Variants in PRKG1 observed in about 807,000 individuals in gnomAD.
PRKG1 encodes protein kinase cGMP-dependent 1.
PRKG1 carries 35 observed loss-of-function variants against 88.1 expected under a neutral mutation model. That is an observed-to-expected ratio of 0.40 (90% CI 0.30 to 0.53). The LOEUF is 0.53. Among genes scored for constraint, PRKG1 ranks in the 20% least tolerant of loss-of-function variants. The pLI, the probability that PRKG1 is intolerant of heterozygous loss-of-function variation, is 0.59. For missense variants in PRKG1, 540 were observed against 839.8 expected, an observed-to-expected ratio of 0.64 and a Z score of 4.41; for synonymous variants, 303 against 292.5, an observed-to-expected ratio of 1.04 and a Z score of -0.37.
intron 3 of PRKG1, among the ~76,000 whole-genome samples, chr10:51,522,839 C>T (rs1047922322): frequency 3.3e-5 from 5 of 151,982 alleles, no homozygotes; most frequent in African/African-American, 1.2e-4. Context: ...TACATTCTTA[C>T]TCATATTATT....
intron 7 of PRKG1, among the ~76,000 whole-genome samples, chr10:52,082,742 C>G (rs898956907): frequency 6.6e-6 from 1 of 152,072 alleles, no homozygotes; most frequent in African/African-American, 2.4e-5. Context: ...ATCCAAAACA[C>G]TTGACCATTT....
At chr10:52,035,643 G>A (rs1426659026) in intron 5 of PRKG1, among the ~76,000 whole-genome samples, 5 of 152,234 alleles carry the variant, frequency 3.3e-5, no homozygotes, top group East Asian at 3.9e-4. Context: ...GTGGGAGGCC[G>A]GATTGAAGTC....
At chr10:51,432,830 T>A (rs750377721) in intron 2 of PRKG1, among the ~76,000 whole-genome samples, 1 of 152,208 alleles carries the variant, frequency 6.6e-6, no homozygotes, top group Non-Finnish European at 1.5e-5. Flanking sequence ...CTCCACTGGA[T>A]GTTTTAACTA....
chr10:51,744,689 G>GGCT (rs1488810558), intron 3 of PRKG1, among the ~76,000 whole-genome samples: 5 of 152,176 alleles, frequency 3.3e-5, no homozygotes. Context: ...GAGCTTTTAA[G>GGCT]GCTGCTGCTT....
At chr10:52,027,369 A>G (rs905773494) in intron 5 of PRKG1, among the ~76,000 whole-genome samples, 7 of 152,138 alleles carry the variant, frequency 4.6e-5, no homozygotes, top group African/African-American at 1.7e-4. Flanking sequence ...ATTAATTGGC[A>G]CGGATCTTAT....
At chr10:51,565,509 C>T (rs561665008) in intron 3 of PRKG1, among the ~76,000 whole-genome samples, 3 of 152,110 alleles carry the variant, frequency 2.0e-5, no homozygotes, top group East Asian at 3.9e-4. Context: ...CTGTTCATGC[C>T]GTGAGCTATA....
At chr10:51,196,794 C>A (rs1201349195) in intron 2 of PRKG1, among the ~76,000 whole-genome samples, 1 of 152,092 alleles carries the variant, frequency 6.6e-6, no homozygotes, top group Admixed American at 6.5e-5. Context: ...TCTTAAACAG[C>A]TCAGTTCAAG....
At chr10:51,220,007 G>T (rs1216231955) in intron 2 of PRKG1, among the ~76,000 whole-genome samples, 1 of 152,182 alleles carries the variant, frequency 6.6e-6, no homozygotes, top group Non-Finnish European at 1.5e-5. Flanking sequence ...GGCCTTATAA[G>T]CAGAGAACTT....
chr10:52,167,661 C>G (rs1199653674), intron 9 of PRKG1, among the ~76,000 whole-genome samples: 3 of 150,902 alleles, frequency 2.0e-5, no homozygotes, highest in Non-Finnish European at 4.4e-5. Flanking sequence ...ACAAAAACAC[C>G]TTTGAATACA....
intron 2 of PRKG1, among the ~76,000 whole-genome samples, chr10:51,431,419 CT>C (rs1249695184): frequency 1.3e-5 from 2 of 152,184 alleles, no homozygotes; most frequent in Non-Finnish European, 2.9e-5. Context: ...AGGCAAATGA[CT>C]TTGAATTGGC....
intron 5 of PRKG1, among the ~76,000 whole-genome samples, chr10:52,004,906 G>A (rs1202568377): frequency 6.6e-6 from 1 of 151,992 alleles, no homozygotes; most frequent in African/African-American, 2.4e-5. Flanking sequence ...CATCCTAGGT[G>A]ACAGACTGAT....
At chr10:51,476,903 T>G (rs1840210135) in intron 3 of PRKG1, among the ~76,000 whole-genome samples, 1 of 152,040 alleles carries the variant, frequency 6.6e-6, no homozygotes, top group Non-Finnish European at 1.5e-5. Flanking sequence ...AGCTGTATAC[T>G]ATGTACATGC....
intron 2 of PRKG1, among the ~76,000 whole-genome samples, chr10:51,460,199 T>C (rs1276436594): frequency 1.3e-5 from 2 of 152,066 alleles, no homozygotes; most frequent in East Asian, 3.9e-4. Context: ...AGGGGTAAAA[T>C]TGCCCCCAGT....
At chr10:51,422,843 G>T (rs1369198015) in intron 2 of PRKG1, among the ~76,000 whole-genome samples, 2 of 152,140 alleles carry the variant, frequency 1.3e-5, no homozygotes, top group East Asian at 3.9e-4. Context: ...TCAAAACTGG[G>T]CTAGGTTATA....
rs1342487327 is a variant in PRKG1 at position 51,679,617 on chromosome 10, A to AGG, written c.593-124967_593-124966insGG. ...GGAACTAGGTCTTGCCTTATCTCCTAGTACTCCTTTATATTCCCCACATCA... is the reference window on the plus strand; with the variant it reads ...GGAACTAGGTCTTGCCTTATCTCCTAGGGTACTCCTTTATATTCCCCACATCA... On this transcript the variant is annotated intron_variant, in intron 3 of 17. Coordinates refer to ENST00000373980, the MANE Select transcript of PRKG1 (RefSeq NM_006258.4). Among the ~76,000 whole-genome samples the AGG allele has an allele frequency of 4.6e-5, 7 of 151,622 alleles. No homozygotes were observed. In the South Asian group the frequency reaches 1.5e-3, roughly 32 times the overall value.
intron 2 of PRKG1, among the ~76,000 whole-genome samples, chr10:51,224,143 G>A (rs1838624799): frequency 6.6e-6 from 1 of 152,208 alleles, no homozygotes; most frequent in East Asian, 1.9e-4. Flanking sequence ...GTGTAAGCCT[G>A]CCATTGCCTT....
chr10:51,858,107 T>C (rs1589362432), intron 4 of PRKG1, among the ~76,000 whole-genome samples: 1 of 68,602 alleles, frequency 1.5e-5, no homozygotes, highest in Non-Finnish European at 2.5e-5. Context: ...ATACATATTA[T>C]ACATATATAT....
chr10:51,084,973 T>G (rs1246768125), intron 1 of PRKG1, among the ~76,000 whole-genome samples: 1 of 152,246 alleles, frequency 6.6e-6, no homozygotes, highest in Admixed American at 6.5e-5. Flanking sequence ...CTGGATATAC[T>G]GTACATCATC....
chr10:51,464,708 G>T (rs1237106711), intron 2 of PRKG1, among the ~76,000 whole-genome samples: 3 of 151,302 alleles, frequency 2.0e-5, no homozygotes, highest in African/African-American at 4.9e-5. Flanking sequence ...CGGCTAAAAC[G>T]GTGAAACCCC....
Sources: allele counts gnomAD v4.1 joint callset (sites outside exome capture counted in the v4.1 genomes callset), GRCh38; gene constraint gnomAD v4.1.1; transcripts MANE v1.5; gene names NCBI Gene and HGNC (gene_info 2026-07-23, HGNC 2026-07-21).